The following CACNA2D4 variants were observed in gnomAD, a reference collection of about 807,000 sequenced individuals.
CACNA2D4 encodes the protein calcium voltage-gated channel auxiliary subunit alpha2delta 4.
CACNA2D4 carries 157 observed loss-of-function variants against 163.8 expected under a neutral mutation model. The ratio of observed to expected loss-of-function variants is 0.96; its 90% CI spans 0.84 to 1.09. CACNA2D4 has a LOEUF of 1.09. CACNA2D4 is among the 50% of genes least tolerant of loss of function. The pLI is 0.00. For missense variants in CACNA2D4, 1,410 were observed against 1,479.9 expected (o/e 0.95, Z 0.78); for synonymous variants, 598 against 586.9 (o/e 1.02, Z -0.27).
At chr12:1,797,949 TG>T (rs2154445142) in intron 34 of CACNA2D4, among the ~76,000 whole-genome samples, 1 of 152,158 alleles carries the variant, frequency 6.6e-6, no homozygotes, top group East Asian at 1.9e-4. Flanking sequence ...CTCCCTTCAC[TG>T]TGGACAGACG....
Position 1,799,901 on chromosome 12 carries a change from T to A in CACNA2D4, c.2974+99A>T, listed in dbSNP as rs1863252055. 1 of 1,367,426 alleles carries A rather than the reference T, an allele frequency of 7.3e-7. No individual in the cohort carries two copies. The highest frequency in any genetic ancestry group is 1.0e-6 in the Non-Finnish European group (1 of 985,148). The allele number at this position is 1,367,426 out of a possible 1,614,324, so 84.7% of individuals were successfully genotyped here. A position where few individuals can be genotyped will look rare whatever the true frequency, so the allele number is the denominator to read the frequency against. Reference sequence around the variant, plus strand: ...TGAACAACGATGCTTCAGGGTCACCTATCCCCACTGTCACCCACCCCACAG... The same window carrying A: ...TGAACAACGATGCTTCAGGGTCACCAATCCCCACTGTCACCCACCCCACAG... On this transcript the variant is annotated intron_variant, in intron 33 of 37. Transcript: ENST00000382722. This position sits in a 1 kb window ranked among gnomAD's most constrained non-coding sequence, Gnocchi z 4.7.
In CACNA2D4 at chr12:1,886,351, G is replaced by A. The variant is rs1225914710; in HGVS notation, c.865C>T (p.Pro289Ser). The change falls in exon 8 of 38, where the codon CCC (proline) becomes TCC (serine). Residue 289 changes from proline (P) to serine (S), a missense_variant. Coordinates refer to ENST00000382722, the MANE Select transcript of CACNA2D4 (RefSeq NM_172364.5). ...TCCACCAAAATCACTATGTCCTTGG[G>A]AGAAGTAGCAGCTTGAATGTACCTG... is the stretch of plus-strand genomic sequence containing the variant. ...RGWYIQAATS[P>S]KDIVILVDVS... The A allele has an allele frequency of 6.2e-7, 1 of 1,613,890 alleles. No homozygotes were observed.
intron 7 of CACNA2D4, 57 bp downstream of exon 7, chr12:1,886,952 C>T: frequency 7.4e-7 from 1 of 1,357,596 alleles, no homozygotes; most frequent in Non-Finnish European, 1.0e-6. Flanking sequence ...TGAGGCAAAA[C>T]CCAAAAGCTA....
chr12:1,872,362 G>A (rs1306112078), intron 18 of CACNA2D4, among the ~76,000 whole-genome samples: 2 of 152,200 alleles, frequency 1.3e-5, no homozygotes, highest in Non-Finnish European at 2.9e-5. Flanking sequence ...GTTGACGTGT[G>A]GAAAATAAGG....
chr12:1,870,599 G>C (rs935708346), intron 18 of CACNA2D4, among the ~76,000 whole-genome samples: 8 of 152,022 alleles, frequency 5.3e-5, no homozygotes, highest in East Asian at 1.9e-4. Context: ...GCTTTTGGTC[G>C]CTTTCAAGTG....
chr12:1,793,541 G>C lies in CACNA2D4; in HGVS notation c.*114C>G. 2.4e-6 allele frequency: 2 copies of C among 849,616 alleles called. No homozygotes were observed. Among genetic ancestry groups the C allele is most frequent in the South Asian group, 2.9e-5 (2 of 69,658 alleles). The allele number at this position is 849,616 out of a possible 1,614,324, so 52.6% of individuals were successfully genotyped here. ...GGCCACCAGCCCAGGATTGAGAGGA[G>C]CGTTGGCCTGGGGGCGACCCAACTG... On this transcript the variant is annotated 3_prime_UTR_variant, in exon 38 of 38. Transcript: ENST00000382722.
At chr12:1,862,367 CCAGT>C (rs1261823497) in intron 18 of CACNA2D4, among the ~76,000 whole-genome samples, 3 of 152,192 alleles carry the variant, frequency 2.0e-5, no homozygotes, top group African/African-American at 7.2e-5. Flanking sequence ...CACAGCGCTG[CCAGT>C]ATTTGGTGTT....
chr12:1,811,232 T>C (rs1452624489), intron 27 of CACNA2D4, among the ~76,000 whole-genome samples: 2 of 152,088 alleles, frequency 1.3e-5, no homozygotes, highest in African/African-American at 2.4e-5. Flanking sequence ...ACCTGAGGGC[T>C]CTGGGGAAGC....
chr12:1,908,102 G>T (rs1866711921), intron 4 of CACNA2D4, 65 bp from the exon 5 acceptor site: 1 of 1,515,210 alleles, frequency 6.6e-7, no homozygotes. Context: ...GAGAGAGGAA[G>T]AGAAACGGCG....
intron 26 of CACNA2D4, among the ~76,000 whole-genome samples, chr12:1,818,761 G>T: frequency 7.3e-6 from 1 of 137,012 alleles, no homozygotes; most frequent in African/African-American, 2.8e-5. Flanking sequence ...ACCCAAGAAT[G>T]ATCAATAAAA....
At chr12:1,800,904 A>T (rs1863297112) in intron 31 of CACNA2D4, 139 bp downstream of exon 31, 2 of 731,254 alleles carry the variant, frequency 2.7e-6, no homozygotes, top group Non-Finnish European at 4.6e-6. Flanking sequence ...GGCTCTGAGC[A>T]GAAGATGGAG....
chr12:1,827,886 C>G (rs1864415417), intron 26 of CACNA2D4: 1 of 390,852 alleles, frequency 2.6e-6, no homozygotes, highest in African/African-American at 2.1e-5. Flanking sequence ...AAGCCGAAGC[C>G]TGCCCCGCCC....
intron 13 of CACNA2D4, among the ~76,000 whole-genome samples, chr12:1,882,068 C>T (rs560212019): frequency 2.8e-4 from 43 of 152,344 alleles, no homozygotes; most frequent in African/African-American, 7.2e-4. Context: ...CCCCCTTCCC[C>T]TTCCACAGCC....
chr12:1,884,203 C>T, intron 12 of CACNA2D4, 40 bp downstream of exon 12: 3 of 1,581,950 alleles, frequency 1.9e-6, no homozygotes, highest in Non-Finnish European at 2.6e-6. Context: ...CTCCTGTGCT[C>T]AGGTGCAGGT....
intron 6 of CACNA2D4, among the ~76,000 whole-genome samples, chr12:1,901,789 C>A (rs1012865121): frequency 6.6e-6 from 1 of 152,008 alleles, no homozygotes; most frequent in African/African-American, 2.4e-5. Context: ...AAACTGATAC[C>A]AATCCTACTC....
intron 6 of CACNA2D4, among the ~76,000 whole-genome samples, chr12:1,905,007 G>A (rs774766663): frequency 7.2e-5 from 11 of 151,894 alleles, no homozygotes; most frequent in Non-Finnish European, 1.6e-4. Context: ...CATATTAAAA[G>A]GATTACACAC....
chr12:1,907,430 ATG>A lies in CACNA2D4; in HGVS notation c.781+8_781+9del. On this transcript the variant is annotated splice_region_variant and intron_variant, in intron 6 of 37. Transcript: ENST00000382722. ...CAGAAGGTCGGGGAGATGCAACTCC[ATG>A]TCCTTACCTGGATAGATCCTGAAGA... is the stretch of plus-strand genomic sequence containing the variant. The A allele has an allele frequency of 6.2e-7, 1 of 1,611,990 alleles. No homozygotes were observed. The highest frequency in any genetic ancestry group is 8.5e-7 in the Non-Finnish European group (1 of 1,178,372).
At chr12:1,887,121 TC>T (rs1048044146) in intron 6 of CACNA2D4, 52 bp from the exon 7 acceptor site, 54 of 1,317,446 alleles carry the variant, frequency 4.1e-5, no homozygotes, top group Admixed American at 1.4e-4. Context: ...CCACCCCAGA[TC>T]CCCTGGCTGG....
At chr12:1,896,396 A>T (rs1306440644) in intron 6 of CACNA2D4, among the ~76,000 whole-genome samples, 1 of 152,196 alleles carries the variant, frequency 6.6e-6, no homozygotes, top group East Asian at 1.9e-4. Flanking sequence ...GTAAAAACAA[A>T]ACAAAACAAA....
Sources: allele counts gnomAD v4.1 joint callset (sites outside exome capture counted in the v4.1 genomes callset), GRCh38; gene constraint gnomAD v4.1.1; non-coding constraint Gnocchi (gnomAD v3.1); transcripts MANE v1.5; gene names NCBI Gene and HGNC (gene_info 2026-07-23, HGNC 2026-07-21).